USP19: variants seen among roughly 807,000 people sequenced by gnomAD.
USP19 encodes the protein ubiquitin specific peptidase 19.
In USP19, 40 loss-of-function variants were observed where a neutral mutation model predicts 144.8. The ratio of observed to expected loss-of-function variants is 0.28; its 90% CI spans 0.21 to 0.36. The LOEUF is 0.36. Ranked by LOEUF, USP19 falls within the 10% of genes least tolerant of loss-of-function variation. The probability of loss-of-function intolerance (pLI) is 1.00; values close to 1 mark genes in which losing one functional copy is unlikely to be tolerated. For synonymous variants in USP19, 701 were observed against 709.3 expected, an observed-to-expected ratio of 0.99 and a Z score of 0.19; for missense variants, 1,518 against 1,822.5, an observed-to-expected ratio of 0.83 and a Z score of 3.04.
chr3:49,109,055 C>T (rs758321749), intron 26 of USP19: 1 of 1,612,096 alleles, frequency 6.2e-7, no homozygotes, highest in South Asian at 1.1e-5. Context: ...CCGGAGGCAG[C>T]CCTCATCTGG....
At chr3:49,119,726 G>A (rs2107587216) in intron 1 of USP19, among the ~76,000 whole-genome samples, 1 of 152,320 alleles carries the variant, frequency 6.6e-6, no homozygotes, top group South Asian at 2.1e-4. Context: ...AGGAGAACCA[G>A]GCTCTGTGGC....
Position 49,117,748 on chromosome 3 carries a change from C to T in USP19, c.381G>A (p.Val127=), listed in dbSNP as rs1289182189. The change falls in exon 4 of 27, where the codon GTG becomes GTA. Residue 127 remains valine (V), a synonymous_variant. Coordinates refer to ENST00000417901, the MANE Select transcript of USP19 (RefSeq NM_001199161.2). The surrounding 1 kb of genome is among the most constrained non-coding windows in gnomAD (Gnocchi z 4.4). Reference sequence around the variant, plus strand: ...CTACTCCCACACGAAGCTTGACAATCACCTCTTCTGCACTCTGCCTCCAAT... The same window carrying T: ...CTACTCCCACACGAAGCTTGACAATTACCTCTTCTGCACTCTGCCTCCAAT... The part of the protein sequence containing the change: ...LLDWRQSAEE[V]IVKLRVGVGP... 2 of 1,614,096 alleles carry T rather than the reference C, an allele frequency of 1.2e-6. No homozygotes were observed. The highest frequency in any genetic ancestry group is 1.7e-6 in the Non-Finnish European group (2 of 1,180,044).
chr3:49,117,169 TG>T lies in USP19; in HGVS notation c.798del (p.Ser267AlafsTer49). On this transcript the variant is annotated frameshift_variant, in exon 6 of 27. Coordinates refer to ENST00000417901, the MANE Select transcript of USP19 (RefSeq NM_001199161.2). LOFTEE classifies it high-confidence loss of function. The surrounding 1 kb of genome is among the most constrained non-coding windows in gnomAD (Gnocchi z 4.4). ...CAGAGATGCACAGCCCTCTTGGCGC[TG>T]GGCCCTGCCTGGGCCCCGGGGCCAG... Reference protein sequence around the residue: ...AGAGPGAQAGPSAKRAVHLCR... With the variant: ...AGAGPGAQAGXSAKRAVHLCR... 6.5e-7 allele frequency: 1 copy of T among 1,548,434 alleles called. No homozygotes were observed. The highest frequency in any genetic ancestry group is 1.2e-5 in the South Asian group (1 of 84,192).
In USP19 at chr3:49,116,191, T is replaced by A; in HGVS notation, c.1356-29A>T. 6.2e-7 allele frequency: 1 copy of A among 1,613,712 alleles called. No homozygotes were observed. The highest frequency in any genetic ancestry group is 8.5e-7 in the Non-Finnish European group (1 of 1,179,836). ...TGGGAAAAGGCTGAACTCAGGGACTTAGGAGGAATGAGCATCAGGATAGAT... is the reference window on the plus strand; with the variant it reads ...TGGGAAAAGGCTGAACTCAGGGACTAAGGAGGAATGAGCATCAGGATAGAT... On this transcript the variant is annotated intron_variant, in intron 9 of 26. Transcript: ENST00000417901. This position sits in a 1 kb window ranked among gnomAD's most constrained non-coding sequence, Gnocchi z 5.0.
rs765135585 is a variant in USP19, at chr3:49,111,198, C to T, written c.3329-32G>A. ...ATTCGCAGGGAGAGAGGTCATGCAGCTGTGGAGAACAGCCAGCTCAACCCA... is the reference window on the plus strand; with the variant it reads ...ATTCGCAGGGAGAGAGGTCATGCAGTTGTGGAGAACAGCCAGCTCAACCCA... On this transcript the variant is annotated intron_variant, in intron 22 of 26. Transcript: ENST00000417901. This position sits in a 1 kb window ranked among gnomAD's most constrained non-coding sequence, Gnocchi z 5.9. 4.7e-5 allele frequency: 76 copies of T among 1,613,970 alleles called. 1 individual carries two copies. Among genetic ancestry groups the T allele is most frequent in the Non-Finnish European group, 6.4e-5 (75 of 1,180,026 alleles).
At position 49,112,233 on chromosome 3, in the gene USP19, G is replaced by A. The variant is rs781089708; in HGVS notation, c.2765+51C>T. 19 of 1,568,036 alleles carry A rather than the reference G, an allele frequency of 1.2e-5. No individual in the cohort carries two copies. The highest frequency in any genetic ancestry group is 1.5e-5 in the Non-Finnish European group (17 of 1,156,730). On this transcript the variant is annotated intron_variant, in intron 19 of 26. Coordinates refer to ENST00000417901, the MANE Select transcript of USP19 (RefSeq NM_001199161.2). The surrounding 1 kb of genome is among the most constrained non-coding windows in gnomAD (Gnocchi z 4.9). Reference sequence around the variant, plus strand: ...TTGGTGTGAAGGGAAGGAGCAGGGTGGCACATGGAAGGTGGAAAGAAAGGG... The same window carrying A: ...TTGGTGTGAAGGGAAGGAGCAGGGTAGCACATGGAAGGTGGAAAGAAAGGG...
rs1351716076 is a variant in USP19, at chr3:49,114,460, CCTT to C, written c.2293-179_2293-177del. On this transcript the variant is annotated intron_variant, in intron 15 of 26. Coordinates refer to ENST00000417901, the MANE Select transcript of USP19 (RefSeq NM_001199161.2). This position sits in a 1 kb window ranked among gnomAD's most constrained non-coding sequence, Gnocchi z 4.5. ...AGGAGGACCACCAGGAAATAACAAT[CCTT>C]CTTTCTGGCACTCAAAGCCCTACTC... Among the ~76,000 whole-genome samples, 1 of 152,216 alleles carries C rather than the reference CCTT, an allele frequency of 6.6e-6. No homozygotes were observed. The highest frequency in any genetic ancestry group is 3.2e-3 in the Middle Eastern group (1 of 316).
chr3:49,114,317 A>C lies in USP19; in HGVS notation c.2293-33T>G, dbSNP rs754022708. On this transcript the variant is annotated intron_variant, in intron 15 of 26. Transcript: ENST00000417901. The surrounding 1 kb of genome is among the most constrained non-coding windows in gnomAD (Gnocchi z 4.5). ...TGTAGAGGTGGCACTGGGTAGCTGC[A>C]CACAGAGTGGGAGATAAGATGCTCA... The C allele has an allele frequency of 3.1e-6, 5 of 1,598,300 alleles. No individual in the cohort carries two copies. Among genetic ancestry groups the C allele is most frequent in the South Asian group, 1.1e-5 (1 of 90,582 alleles).
intron 2 of USP19, 48 bp from the exon 3 acceptor site, chr3:49,118,168 G>A: frequency 6.6e-6 from 5 of 756,214 alleles, no homozygotes; most frequent in East Asian, 2.7e-5. Context: ...AGGAGGCTGA[G>A]GTAGGAGGAC....
rs776279269 is a variant in USP19 at position 49,110,473 on chromosome 3, T to C, written c.3830A>G (p.Asn1277Ser). ...GHYTACARLP[N>S]DRSSQRSDVG... ...GTCACTGCGCTGACTGCTACGATCA[T>C]TGGGCAGGCGTGCACAGGCAGTGTA... The change falls in exon 25 of 27, where the codon AAT becomes AGT. Residue 1277 changes from asparagine (N) to serine (S), a missense_variant. By Grantham distance (46) the Asn-to-Ser change is conservative (BLOSUM62 1). This residue lies in a region of USP19 where 122 missense variants were observed against 200.4 expected (regional missense o/e 0.61). Coordinates refer to ENST00000417901, the MANE Select transcript of USP19 (RefSeq NM_001199161.2). This position sits in a 1 kb window ranked among gnomAD's most constrained non-coding sequence, Gnocchi z 6.1. The C allele has an allele frequency of 2.7e-5, 43 of 1,614,168 alleles. No homozygotes were observed. The East Asian group carries it at 3.6e-4, about 13-fold the overall frequency.
chr3:49,111,421 C>T lies in USP19; in HGVS notation c.3218-56G>A. On this transcript the variant is annotated intron_variant, in intron 21 of 26. Coordinates refer to ENST00000417901, the MANE Select transcript of USP19 (RefSeq NM_001199161.2). The surrounding 1 kb of genome is among the most constrained non-coding windows in gnomAD (Gnocchi z 5.9). The stretch of plus-strand genomic sequence containing the variant: ...CTGCCCATCAGGGCCTCACCAGGCC[C>T]ACCAGGCCCTAAACAACAGCCCCCT... 1.9e-6 allele frequency: 3 copies of T among 1,613,448 alleles called. No individual in the cohort carries two copies. Among genetic ancestry groups the T allele is most frequent in the South Asian group, 1.1e-5 (1 of 91,066 alleles).
chr3:49,116,380 G>A lies in USP19; in HGVS notation c.1284-29C>T, dbSNP rs761341708. The A allele has an allele frequency of 2.5e-6, 4 of 1,613,968 alleles. No homozygotes were observed. Among genetic ancestry groups the A allele is most frequent in the Non-Finnish European group, 3.4e-6 (4 of 1,179,984 alleles). On this transcript the variant is annotated intron_variant, in intron 8 of 26. Coordinates refer to ENST00000417901, the MANE Select transcript of USP19 (RefSeq NM_001199161.2). The surrounding 1 kb of genome is among the most constrained non-coding windows in gnomAD (Gnocchi z 5.0). ...CAGAGGCACAGCAGGATAGGAGGAAGGACAAGAGGAAGAGCATGAGACATA... is the reference window on the plus strand; with the variant it reads ...CAGAGGCACAGCAGGATAGGAGGAAAGACAAGAGGAAGAGCATGAGACATA...
chr3:49,112,118 C>G lies in USP19; in HGVS notation c.2766-70G>C, dbSNP rs1173900961. Reference sequence around the variant, plus strand: ...CTATGACTCCATACTGGGGGCTAGTCATAGTCCCTGGGAACTGGGTACGCC... The same window carrying G: ...CTATGACTCCATACTGGGGGCTAGTGATAGTCCCTGGGAACTGGGTACGCC... On this transcript the variant is annotated intron_variant, in intron 19 of 26. Coordinates refer to ENST00000417901, the MANE Select transcript of USP19 (RefSeq NM_001199161.2). This position sits in a 1 kb window ranked among gnomAD's most constrained non-coding sequence, Gnocchi z 4.9. The G allele has an allele frequency of 6.3e-7, 1 of 1,584,018 alleles. No individual in the cohort carries two copies. Among genetic ancestry groups the G allele is most frequent in the Non-Finnish European group, 8.6e-7 (1 of 1,163,336 alleles).
intron 1 of USP19, among the ~76,000 whole-genome samples, 189 bp from the exon 2 acceptor site, chr3:49,119,470 C>A (rs2044769803): frequency 1.3e-5 from 2 of 152,212 alleles, no homozygotes; most frequent in African/African-American, 4.8e-5. Flanking sequence ...CACTTCTGGC[C>A]AAGCCTCATA....
chr3:49,118,375 C>T (rs2044552680), intron 2 of USP19, among the ~76,000 whole-genome samples: 2 of 151,868 alleles, frequency 1.3e-5, no homozygotes, highest in Admixed American at 6.6e-5. Flanking sequence ...TGTGACCAGT[C>T]TGGCCAACAT....
Position 49,111,969 on chromosome 3 carries a change from C to T in USP19, c.2845G>A (p.Val949Ile). Residue 949 changes from valine to isoleucine, a missense_variant, in exon 20 of 27, where the codon GTA becomes ATA. Coordinates refer to ENST00000417901, the MANE Select transcript of USP19 (RefSeq NM_001199161.2). This position sits in a 1 kb window ranked among gnomAD's most constrained non-coding sequence, Gnocchi z 5.9. ...GCATAAGTGAGGCGTGAGGCAGGTACACTGACCAGGAAGGGGTAGCCAATG... is the reference window on the plus strand; with the variant it reads ...GCATAAGTGAGGCGTGAGGCAGGTATACTGACCAGGAAGGGGTAGCCAATG... ...ENIGYPFLVS[V>I]PASRLTYARL... The T allele has an allele frequency of 6.2e-7, 1 of 1,614,080 alleles. No individual in the cohort carries two copies. The highest frequency in any genetic ancestry group is 2.2e-5 in the East Asian group (1 of 44,886).
rs773779584 is a variant in USP19, at chr3:49,109,024, CACG to C, written c.4039-499_4039-497del. ...TGAGCACGAGGGCCACCAAAGCCGC[CACG>C]GTGCCCAGGACAAAGTACCGGAGGC... On this transcript the variant is annotated intron_variant, in intron 26 of 26. Transcript: ENST00000417901. 1.2e-5 allele frequency: 19 copies of C among 1,613,552 alleles called. No homozygotes were observed. In the Admixed American group the frequency reaches 3.2e-4, roughly 27 times the overall value.
At position 49,115,501 on chromosome 3, in the gene USP19, T is replaced by C. The variant is rs756504062; in HGVS notation, c.1831A>G (p.Met611Val). The C allele has an allele frequency of 1.2e-5, 20 of 1,614,116 alleles. No homozygotes were observed. The highest frequency in any genetic ancestry group is 3.4e-6 in the Non-Finnish European group (4 of 1,180,056). Residue 611 changes from methionine (M) to valine (V), a missense_variant, in exon 12 of 27, where the codon ATG (methionine) becomes GTG (valine). By Grantham distance (21) the Met-to-Val change is conservative. Around this residue, in one of 5 missense-constraint regions of USP19, gnomAD observed 158 missense variants for 277.3 expected, o/e 0.57. Transcript: ENST00000417901. The surrounding 1 kb of genome is among the most constrained non-coding windows in gnomAD (Gnocchi z 6.6). ...GACAGAGACTGAATGACGCTGTTCA[T>C]GAAGCAGGTGTTGCCTAAATTGACA... ...GLVNLGNTCF[M>V]NSVIQSLSNT... is the part of the protein sequence containing the mutation.
In USP19 at chr3:49,116,691, C is replaced by G; in HGVS notation, c.1126+36G>C. ...CTATCCACCTACAAACTTTGCAACCCAACCTAGGGCTCTGCCTGCCCACCC... is the reference window on the plus strand; with the variant it reads ...CTATCCACCTACAAACTTTGCAACCGAACCTAGGGCTCTGCCTGCCCACCC... On this transcript the variant is annotated intron_variant, in intron 7 of 26. Transcript: ENST00000417901. This position sits in a 1 kb window ranked among gnomAD's most constrained non-coding sequence, Gnocchi z 5.0. The G allele has an allele frequency of 6.2e-7, 1 of 1,606,116 alleles. No homozygotes were observed. The highest frequency in any genetic ancestry group is 1.3e-5 in the African/African-American group (1 of 74,870).
Sources: gnomAD v4.1 joint callset for allele counts (sites outside exome capture counted in the v4.1 genomes callset) on GRCh38, gnomAD v4.1.1 for gene constraint, gnomAD v4.1.1 regional missense constraint, Gnocchi (gnomAD v3.1) non-coding constraint, MANE v1.5 for transcripts, NCBI Gene and HGNC (gene_info 2026-07-23, HGNC 2026-07-21) for gene names.